UXS1: variants seen among roughly 807,000 people sequenced by gnomAD.
UXS1 encodes UDP-glucuronate decarboxylase 1.
In UXS1, 33 loss-of-function variants were observed where a neutral mutation model predicts 62.6. The ratio of observed to expected loss-of-function variants is 0.53; its 90% CI spans 0.40 to 0.70. UXS1 has a LOEUF of 0.70. UXS1 is among the 30% of genes least tolerant of loss of function. The pLI, the probability that UXS1 is intolerant of heterozygous loss-of-function variation, is 0.00. For synonymous variants in UXS1, 213 were observed against 206.8 expected (o/e 1.03, Z -0.26); for missense variants, 434 against 556.3 (o/e 0.78, Z 2.21).
intron 8 of UXS1, among the ~76,000 whole-genome samples, chr2:106,125,119 C>G (rs1391232175): frequency 6.6e-6 from 1 of 152,144 alleles, no homozygotes; most frequent in Non-Finnish European, 1.5e-5. Context: ...CTTGGTAAAA[C>G]AAGCTCGTGG....
intron 5 of UXS1, among the ~76,000 whole-genome samples, chr2:106,157,113 T>C (rs1682496933): frequency 6.6e-6 from 1 of 151,968 alleles, no homozygotes; most frequent in Non-Finnish European, 1.5e-5. Flanking sequence ...AAGGGGAAAA[T>C]GGAGAGTGAC....
chr2:106,154,541 C>A (rs1352038190), intron 5 of UXS1, among the ~76,000 whole-genome samples: 2 of 152,194 alleles, frequency 1.3e-5, no homozygotes, highest in Admixed American at 1.3e-4. Flanking sequence ...CCAAGGATTG[C>A]TGGCAATACG....
chr2:106,177,125 A>G (rs1000442105), intron 1 of UXS1, among the ~76,000 whole-genome samples: 2 of 152,166 alleles, frequency 1.3e-5, no homozygotes, highest in African/African-American at 2.4e-5. Context: ...AAAAAGGACA[A>G]CTTAGAGGAT....
At chr2:106,096,304 ATATG>A (rs566388235) in intron 14 of UXS1, among the ~76,000 whole-genome samples, 27 of 152,050 alleles carry the variant, frequency 1.8e-4, no homozygotes, top group Non-Finnish European at 3.5e-4. Context: ...GTGTGAATGT[ATATG>A]TATGTGTGAA....
intron 1 of UXS1, among the ~76,000 whole-genome samples, chr2:106,191,662 CCTT>C (rs1024516884): frequency 2.0e-5 from 3 of 152,244 alleles, no homozygotes; most frequent in African/African-American, 7.2e-5. Context: ...ACAATACCAT[CCTT>C]CTTTGCATTC....
At position 106,107,774 on chromosome 2, in the gene UXS1, C is replaced by A. The variant is rs551261947; in HGVS notation, c.880-2937G>T. 2.6e-5 allele frequency among the ~76,000 whole-genome samples: 4 copies of A among 152,332 alleles called. No homozygotes were observed. In the East Asian group the frequency reaches 7.7e-4, roughly 29 times the overall value. ...GGGTGCATTTCCCTGCGTGACTCGC[C>A]AGGGGCAGCTCCCCACCCAGCCAGC... On this transcript the variant is annotated intron_variant, in intron 10 of 14. Transcript: ENST00000283148.
rs1010220127 is a variant in UXS1, at chr2:106,129,999, G to A, written c.473-221C>T. Among the ~76,000 whole-genome samples the A allele has an allele frequency of 2.0e-5, 3 of 152,216 alleles. No homozygotes were observed. In the East Asian group the frequency reaches 5.8e-4, roughly 29 times the overall value. ...AACAAAAACATGTGCTGGGTCAGCTGAGTCTGTTCTCGTGTAACCAGAGTC... is the reference window on the plus strand; with the variant it reads ...AACAAAAACATGTGCTGGGTCAGCTAAGTCTGTTCTCGTGTAACCAGAGTC... On this transcript the variant is annotated intron_variant, in intron 6 of 14. Transcript: ENST00000283148.
chr2:106,176,311 T>G (rs1683875237), intron 1 of UXS1, among the ~76,000 whole-genome samples: 2 of 152,232 alleles, frequency 1.3e-5, no homozygotes, highest in Admixed American at 1.3e-4. Context: ...TTTCCTTGGA[T>G]AAACCCTGAG....
chr2:106,191,134 T>A (rs946835530), intron 1 of UXS1, among the ~76,000 whole-genome samples: 1 of 152,058 alleles, frequency 6.6e-6, no homozygotes, highest in African/African-American at 2.4e-5. Flanking sequence ...AGAAGAGTTA[T>A]GTGGTATCAA....
intron 1 of UXS1, among the ~76,000 whole-genome samples, chr2:106,192,288 C>T (rs983441362): frequency 6.6e-6 from 1 of 152,230 alleles, no homozygotes; most frequent in Non-Finnish European, 1.5e-5. Flanking sequence ...GGAGCGGTGG[C>T]TTACGCCTGT....
intron 4 of UXS1, among the ~76,000 whole-genome samples, chr2:106,162,827 G>C (rs533301241): frequency 6.6e-6 from 1 of 152,168 alleles, no homozygotes; most frequent in East Asian, 1.9e-4. Flanking sequence ...TTCTCCAGTC[G>C]TATTTCCCTT....
intron 12 of UXS1, 44 bp downstream of exon 12, chr2:106,101,013 GA>G (rs1558673862): frequency 2.5e-6 from 4 of 1,611,160 alleles, no homozygotes; most frequent in Admixed American, 1.7e-5. Flanking sequence ...ACAAATGAAC[GA>G]AAGTCTGAGC....
At chr2:106,112,524 G>A (rs544497666) in intron 10 of UXS1, 122 bp downstream of exon 10, 119 of 1,429,432 alleles carry the variant, frequency 8.3e-5, no homozygotes, top group Admixed American at 2.2e-4. Flanking sequence ...GGAGGGTAGC[G>A]GGTATACATG....
At chr2:106,162,795 GAC>G in intron 4 of UXS1, among the ~76,000 whole-genome samples, 2 of 152,318 alleles carry the variant, frequency 1.3e-5, no homozygotes, top group Middle Eastern at 6.8e-3. Context: ...TCAAGTGAAT[GAC>G]ACATTTTGTT....
intron 9 of UXS1, among the ~76,000 whole-genome samples, chr2:106,118,869 T>C (rs1679283887): frequency 6.6e-6 from 1 of 152,206 alleles, no homozygotes; most frequent in Non-Finnish European, 1.5e-5. Context: ...CTATATAGGA[T>C]CTTGACAATA....
intron 10 of UXS1, among the ~76,000 whole-genome samples, chr2:106,106,410 T>C (rs1400167078): frequency 6.6e-6 from 1 of 151,724 alleles, no homozygotes; most frequent in African/African-American, 2.4e-5. Flanking sequence ...CTGAAAGCCT[T>C]ATTTATTTAT....
At chr2:106,126,739 T>A (rs1393545056) in intron 7 of UXS1, among the ~76,000 whole-genome samples, 1 of 152,206 alleles carries the variant, frequency 6.6e-6, no homozygotes, top group East Asian at 1.9e-4. Flanking sequence ...TTTACCCAGA[T>A]TCCCCCAATG....
chr2:106,104,889 G>A lies in UXS1; in HGVS notation c.880-52C>T, dbSNP rs1677926739. On this transcript the variant is annotated intron_variant, in intron 10 of 14. Transcript: ENST00000283148. The stretch of plus-strand genomic sequence containing the variant: ...CCTGATAAAACCACACCCGTCCTGC[G>A]TAGGTGTCCTTGAAACTCCAGGGGA... 1.2e-5 allele frequency: 20 copies of A among 1,609,922 alleles called. No homozygotes were observed. In the South Asian group the frequency reaches 1.8e-4, roughly 14 times the overall value.
intron 1 of UXS1, among the ~76,000 whole-genome samples, chr2:106,175,276 C>A (rs1459478556): frequency 6.6e-6 from 1 of 152,196 alleles, no homozygotes; most frequent in Non-Finnish European, 1.5e-5. Flanking sequence ...TGCATGCATT[C>A]CAATGCTGGA....
Sources: allele counts gnomAD v4.1 joint callset (sites outside exome capture counted in the v4.1 genomes callset), GRCh38; gene constraint gnomAD v4.1.1; transcripts MANE v1.5; gene names NCBI Gene and HGNC (gene_info 2026-07-23, HGNC 2026-07-21).